MCC: variants seen among roughly 807,000 people sequenced by gnomAD.
MCC encodes the protein MCC regulator of Wnt signaling pathway.
Under a neutral mutation model 116.2 loss-of-function variants are expected in MCC, and 90 were observed. The ratio of observed to expected loss-of-function variants is 0.77; its 90% CI spans 0.65 to 0.92. The LOEUF is 0.92. Ranked by LOEUF, MCC falls within the 40% of genes least tolerant of loss-of-function variation. The pLI is 0.00. For missense variants in MCC, 1,516 were observed against 1,312.2 expected (o/e 1.16, Z -2.40); for synonymous variants, 578 against 510.5 (o/e 1.13, Z -1.78).
chr5:113,045,399 A>C (rs1403223718), intron 16 of MCC, among the ~76,000 whole-genome samples: 1 of 152,206 alleles, frequency 6.6e-6, no homozygotes, highest in Non-Finnish European at 1.5e-5. Flanking sequence ...GACCCACAGG[A>C]TAAGAATGGT....
chr5:113,434,944 G>A lies in MCC; in HGVS notation c.171-49732C>T. The A allele has an allele frequency of 1.4e-6, 2 of 1,412,724 alleles. No individual in the cohort carries two copies. Among genetic ancestry groups the A allele is most frequent in the East Asian group, 2.3e-5 (1 of 42,588 alleles). The allele number at this position is 1,412,724 out of a possible 1,614,324, so 87.5% of individuals were successfully genotyped here. Reference sequence around the variant, plus strand: ...TCCTGGATAGAGAGTCCTTTGGGCTGGCCAGGCCTGCTGTTCCTGCCTCCT... The same window carrying A: ...TCCTGGATAGAGAGTCCTTTGGGCTAGCCAGGCCTGCTGTTCCTGCCTCCT... On this transcript the variant is annotated intron_variant, in intron 1 of 18. Transcript: ENST00000408903. This position sits in a 1 kb window ranked among gnomAD's most constrained non-coding sequence, Gnocchi z 4.2.
chr5:113,259,563 T>C (rs890285592), intron 3 of MCC, among the ~76,000 whole-genome samples: 3 of 152,190 alleles, frequency 2.0e-5, no homozygotes, highest in Admixed American at 2.0e-4. Flanking sequence ...TCAGAAATTA[T>C]TTGCAAATAT....
chr5:113,320,561 T>G lies in MCC; in HGVS notation c.627+19958A>C, dbSNP rs201864901. ...CTCTACATGTTCCAAATATTTAGACTTCTGAGGAAATACATGTTTATTTTA... is the reference window on the plus strand; with the variant it reads ...CTCTACATGTTCCAAATATTTAGACGTCTGAGGAAATACATGTTTATTTTA... On this transcript the variant is annotated intron_variant, in intron 3 of 18. Coordinates refer to ENST00000408903, the MANE Select transcript of MCC (RefSeq NM_001085377.2). Among the ~76,000 whole-genome samples the G allele has an allele frequency of 4.6e-5, 7 of 152,232 alleles. No individual in the cohort carries two copies. In the East Asian group the frequency reaches 1.3e-3, roughly 29 times the overall value.
At chr5:113,233,684 C>G (rs531404850) in intron 3 of MCC, among the ~76,000 whole-genome samples, 2 of 152,318 alleles carry the variant, frequency 1.3e-5, no homozygotes, top group South Asian at 4.1e-4. Flanking sequence ...CAGATGGCAA[C>G]AGCATGTCAG....
At chr5:113,095,660 G>A (rs1016140406) in intron 8 of MCC, among the ~76,000 whole-genome samples, 2 of 151,722 alleles carry the variant, frequency 1.3e-5, no homozygotes, top group Non-Finnish European at 2.9e-5. Flanking sequence ...CTGGGACTAT[G>A]GGTGCACACC....
chr5:113,028,830 GAGTT>G (rs1306889941), intron 18 of MCC, 100 bp downstream of exon 18: 1 of 1,361,340 alleles, frequency 7.3e-7, no homozygotes, highest in East Asian at 2.4e-5. Context: ...TAGTTCTTAA[GAGTT>G]AGGGAAATGT....
Position 113,279,427 on chromosome 5 carries a change from G to A in MCC, c.627+61092C>T, listed in dbSNP as rs184488055. 1.5e-3 allele frequency among the ~76,000 whole-genome samples: 221 copies of A among 146,938 alleles called. 1 individual carries two copies. The highest frequency in any genetic ancestry group is 2.4e-3 in the Non-Finnish European group (165 of 67,516). On this transcript the variant is annotated intron_variant, in intron 3 of 18. Coordinates refer to ENST00000408903, the MANE Select transcript of MCC (RefSeq NM_001085377.2). ...CTCTATATAGTAATCTATGAACACTGACATTAAAAAAAAATTAGTAAAATG... is the reference window on the plus strand; with the variant it reads ...CTCTATATAGTAATCTATGAACACTAACATTAAAAAAAAATTAGTAAAATG...
chr5:113,262,726 C>T (rs985272475), intron 3 of MCC, among the ~76,000 whole-genome samples: 30 of 152,206 alleles, frequency 2.0e-4, no homozygotes, highest in Non-Finnish European at 1.2e-4. Flanking sequence ...CTTTGTTGAG[C>T]ATCAGAGTCA....
chr5:113,142,342 T>C (rs935250708), intron 5 of MCC, among the ~76,000 whole-genome samples: 2 of 151,888 alleles, frequency 1.3e-5, no homozygotes, highest in African/African-American at 4.8e-5. Flanking sequence ...CCTCAGGCTG[T>C]TCCCGGAGCA....
chr5:113,183,589 C>A (rs1010517186), intron 3 of MCC, among the ~76,000 whole-genome samples: 4 of 152,108 alleles, frequency 2.6e-5, no homozygotes, highest in Non-Finnish European at 5.9e-5. Context: ...CATCAAATTA[C>A]AATCCCCCCT....
Position 113,416,606 on chromosome 5 carries a change from G to A in MCC, c.171-31394C>T, listed in dbSNP as rs113111146. Among the ~76,000 whole-genome samples the A allele has an allele frequency of 2.2e-3, 339 of 152,160 alleles. 6 individuals are homozygous for A. Among genetic ancestry groups the A allele is most frequent in the African/African-American group, 7.0e-3 (290 of 41,504 alleles). On this transcript the variant is annotated intron_variant, in intron 1 of 18. Transcript: ENST00000408903. ...AATGCATGTATATGTATACACATACGCATGTTCATGGACAACCATTAAAAG... is the reference window on the plus strand; with the variant it reads ...AATGCATGTATATGTATACACATACACATGTTCATGGACAACCATTAAAAG...
At chr5:113,467,021 T>G (rs1274461978) in intron 1 of MCC, among the ~76,000 whole-genome samples, 1 of 151,628 alleles carries the variant, frequency 6.6e-6, no homozygotes, top group African/African-American at 2.4e-5. Flanking sequence ...GCCCACTTTT[T>G]GATGGGGTTG....
chr5:113,184,565 C>G (rs897448060), intron 3 of MCC, among the ~76,000 whole-genome samples: 1 of 146,424 alleles, frequency 6.8e-6, no homozygotes, highest in African/African-American at 2.5e-5. Context: ...TGGGATCAAG[C>G]AATCCTCCTG....
intron 3 of MCC, among the ~76,000 whole-genome samples, chr5:113,211,117 G>T (rs531688987): frequency 6.6e-6 from 1 of 152,276 alleles, no homozygotes; most frequent in South Asian, 2.1e-4. Context: ...GGTTTCAAAA[G>T]GTGGGCCTTA....
chr5:113,184,708 T>C (rs1407916236), intron 3 of MCC, among the ~76,000 whole-genome samples: 1 of 152,060 alleles, frequency 6.6e-6, no homozygotes, highest in Non-Finnish European at 1.5e-5. Flanking sequence ...AAAGAAGAGA[T>C]GGACAGGTAT....
intron 3 of MCC, among the ~76,000 whole-genome samples, chr5:113,249,796 G>A (rs1029156197): frequency 6.6e-6 from 1 of 152,170 alleles, no homozygotes; most frequent in Non-Finnish European, 1.5e-5. Flanking sequence ...TCAGACAGAC[G>A]AAGTTGGCCT....
At chr5:113,448,144 C>T (rs1771275468) in intron 1 of MCC, 1 of 152,318 alleles carries the variant, frequency 6.6e-6, no homozygotes, top group Non-Finnish European at 1.5e-5. Flanking sequence ...TGTCATGTGC[C>T]TACTTTTAGA....
intron 16 of MCC, 124 bp downstream of exon 16, chr5:113,048,969 C>T: frequency 2.3e-6 from 2 of 864,552 alleles, no homozygotes; most frequent in South Asian, 3.2e-5. Flanking sequence ...CTACGAATGG[C>T]CTGCATTTCC....
intron 3 of MCC, among the ~76,000 whole-genome samples, chr5:113,266,742 T>A (rs956880379): frequency 6.6e-6 from 1 of 152,002 alleles, no homozygotes; most frequent in South Asian, 2.1e-4. Flanking sequence ...CCTTGTTGTA[T>A]ACAAAGTGAT....
Sources: gnomAD v4.1 joint callset for allele counts (sites outside exome capture counted in the v4.1 genomes callset) on GRCh38, gnomAD v4.1.1 for gene constraint, Gnocchi (gnomAD v3.1) non-coding constraint, MANE v1.5 for transcripts, NCBI Gene and HGNC (gene_info 2026-07-23, HGNC 2026-07-21) for gene names.